The following TRPM4 variants were observed in gnomAD, a reference collection of about 807,000 sequenced individuals.
TRPM4 encodes the protein calcium-activated non-selective cation channel 1.
Under a neutral mutation model 135.6 loss-of-function variants are expected in TRPM4, and 124 were observed. That is an observed-to-expected ratio of 0.91 (90% CI 0.79 to 1.06). The LOEUF (loss-of-function observed/expected upper bound fraction) is 1.06, where lower values mean the gene tolerates loss of function less well. Among genes scored for constraint, TRPM4 ranks in the 50% least tolerant of loss-of-function variants. The probability of loss-of-function intolerance (pLI) is 0.00; values close to 1 mark genes in which losing one functional copy is unlikely to be tolerated. For synonymous variants in TRPM4, 745 were observed against 705.6 expected (o/e 1.06, Z -0.88); for missense variants, 1,658 against 1,671.4 (o/e 0.99, Z 0.14).
intron 2 of TRPM4, among the ~76,000 whole-genome samples, chr19:49,164,346 CCTT>C (rs1967085180): frequency 8.4e-6 from 1 of 118,890 alleles, no homozygotes; most frequent in Non-Finnish European, 1.7e-5. Flanking sequence ...CTCCCTCCCT[CCTT>C]CCTTTCTTTC....
At chr19:49,204,103 G>C (rs925033319) in intron 20 of TRPM4, among the ~76,000 whole-genome samples, 1 of 152,010 alleles carries the variant, frequency 6.6e-6, no homozygotes, top group Non-Finnish European at 1.5e-5. Context: ...CTGGGCAACA[G>C]AGCGAGACTC....
chr19:49,162,558 A>AAAC (rs1425065635), intron 2 of TRPM4, among the ~76,000 whole-genome samples: 1 of 151,840 alleles, frequency 6.6e-6, no homozygotes, highest in Non-Finnish European at 1.5e-5. Flanking sequence ...CAAAACAAAC[A>AAAC]AACAAACAAA....
chr19:49,157,925 G>A, intron 1 of TRPM4, 35 bp downstream of exon 1: 3 of 1,534,008 alleles, frequency 2.0e-6, no homozygotes, highest in Non-Finnish European at 2.6e-6. Context: ...GGAGCGCGGA[G>A]CTGGGGACCT....
chr19:49,192,920 T>A (rs2123012990), intron 16 of TRPM4, among the ~76,000 whole-genome samples: 1 of 152,148 alleles, frequency 6.6e-6, no homozygotes, highest in African/African-American at 2.4e-5. Context: ...GAAAGGTTGA[T>A]AGAAGGCCCC....
At chr19:49,194,660 T>TTTCC (rs764879837) in intron 16 of TRPM4, among the ~76,000 whole-genome samples, 1 of 50,172 alleles carries the variant, frequency 2.0e-5, no homozygotes, top group African/African-American at 8.8e-5. Context: ...TTTCTCTCTC[T>TTTCC]GTCCCTCCCT....
At position 49,200,640 on chromosome 19, in the gene TRPM4, C is replaced by A. The variant is rs748161443; in HGVS notation, c.2808C>A (p.Phe936Leu). The A allele has an allele frequency of 1.2e-6, 2 of 1,613,858 alleles. No homozygotes were observed. Among genetic ancestry groups the A allele is most frequent in the Non-Finnish European group, 1.7e-6 (2 of 1,180,032 alleles). ...MMKDVFFFLF[F>L]LGVWLVAYGV... ...AGGACGTGTTCTTCTTCCTCTTCTT[C>A]CTCGGCGTGTGGCTGGTAGCCTATG... Residue 936 changes from phenylalanine to leucine, a missense_variant, in exon 19 of 25, where the codon TTC becomes TTA. Around this residue, in one of 3 missense-constraint regions of TRPM4, gnomAD observed 1,412 missense variants for 1,408.7 expected, o/e 1.00. Coordinates refer to ENST00000252826, the MANE Select transcript of TRPM4 (RefSeq NM_017636.4).
chr19:49,160,956 C>T lies in TRPM4; in HGVS notation c.92+2697C>T, dbSNP rs147876828. On this transcript the variant is annotated intron_variant, in intron 2 of 24. Coordinates refer to ENST00000252826, the MANE Select transcript of TRPM4 (RefSeq NM_017636.4). Reference sequence around the variant, plus strand: ...GGGTGCCGCCATCGGTGGATGGCTCCGGGACGTATGCTCTGCTGACTGGGA... The same window carrying T: ...GGGTGCCGCCATCGGTGGATGGCTCTGGGACGTATGCTCTGCTGACTGGGA... Among the ~76,000 whole-genome samples, 306 of 151,950 alleles carry T rather than the reference C, an allele frequency of 2.0e-3. 1 individual carries two copies. Among genetic ancestry groups the T allele is most frequent in the African/African-American group, 6.9e-3 (286 of 41,402 alleles).
Position 49,187,054 on chromosome 19 carries a change from T to G in TRPM4, c.1744-1587T>G, listed in dbSNP as rs558870210. Reference sequence around the variant, plus strand: ...AAGTCTGAATTGCTCCCTCTAGTACTAGCGACCCACACCAGGAATGTGTGT... The same window carrying G: ...AAGTCTGAATTGCTCCCTCTAGTACGAGCGACCCACACCAGGAATGTGTGT... On this transcript the variant is annotated intron_variant, in intron 12 of 24. Coordinates refer to ENST00000252826, the MANE Select transcript of TRPM4 (RefSeq NM_017636.4). Among the ~76,000 whole-genome samples, 120 of 152,152 alleles carry G rather than the reference T, an allele frequency of 7.9e-4. 3 individuals carry two copies. The highest frequency in any genetic ancestry group is 5.2e-4 in the Admixed American group (8 of 15,270).
At chr19:49,197,688 CTTT>C (rs551709011) in intron 17 of TRPM4, among the ~76,000 whole-genome samples, 2 of 143,230 alleles carry the variant, frequency 1.4e-5, no homozygotes. Flanking sequence ...TCTTTCTTTT[CTTT>C]TTTTTTTTTG....
In TRPM4 at chr19:49,181,530, C is replaced by CT. The variant is rs35727661; in HGVS notation, c.1263+90dup. On this transcript the variant is annotated intron_variant, in intron 10 of 24. Transcript: ENST00000252826. Reference sequence around the variant, plus strand: ...CTGTGCTGTCCTCCCTCTCTGCCTTCTTTTTTTTTTTTTTTTTTTTTGACG... The same window carrying CT: ...CTGTGCTGTCCTCCCTCTCTGCCTTCTTTTTTTTTTTTTTTTTTTTTTGACG... 30,170 of 508,348 alleles carry CT rather than the reference C, an allele frequency of 0.059. 45 individuals are homozygous for CT. Among genetic ancestry groups the CT allele is most frequent in the South Asian group, 0.077 (3,344 of 43,302 alleles). 31.5% of individuals were successfully genotyped at this position (508,348 alleles called of 1,614,324 possible).
chr19:49,161,061 T>A (rs569171793), intron 2 of TRPM4, among the ~76,000 whole-genome samples: 10 of 151,924 alleles, frequency 6.6e-5, no homozygotes, highest in Admixed American at 2.6e-4. Flanking sequence ...AATGTGGGAA[T>A]CTGTGCATAT....
intron 2 of TRPM4, 81 bp from the exon 3 acceptor site, chr19:49,165,960 T>G: frequency 7.1e-7 from 1 of 1,417,592 alleles, no homozygotes; most frequent in South Asian, 1.3e-5. Flanking sequence ...GACAGCCCCC[T>G]CTACAGGAGC....
At position 49,202,018 on chromosome 19, in the gene TRPM4, C is replaced by T. The variant is rs750182517; in HGVS notation, c.3008C>T (p.Pro1003Leu). ...CSSEPGFWAH[P>L]PGAQAGTCVS... ...TCGGAGCCCGGCTTCTGGGCACACC[C>T]TCCTGGGGCCCAGGCGGGCACCTGC... Residue 1003 changes from proline (P) to leucine (L), a missense_variant, in exon 20 of 25, where the codon CCT becomes CTT. By Grantham distance (98) the Pro-to-Leu change is moderately conservative. This residue lies in a region of TRPM4 where 1,412 missense variants were observed against 1,408.7 expected (regional missense o/e 1.00). Coordinates refer to ENST00000252826, the MANE Select transcript of TRPM4 (RefSeq NM_017636.4). The T allele has an allele frequency of 9.3e-6, 15 of 1,613,740 alleles. No homozygotes were observed. The East Asian group carries it at 1.3e-4, about 14-fold the overall frequency.
chr19:49,199,627 T>A (rs2145965538), intron 17 of TRPM4, among the ~76,000 whole-genome samples: 1 of 152,158 alleles, frequency 6.6e-6, no homozygotes, highest in East Asian at 1.9e-4. Flanking sequence ...CCTTATACTC[T>A]GGATCCTAAT....
At chr19:49,200,833 G>C in intron 19 of TRPM4, 48 bp downstream of exon 19, 4 of 1,594,096 alleles carry the variant, frequency 2.5e-6, no homozygotes, top group Non-Finnish European at 2.6e-6. Flanking sequence ...CTCTGTCCCC[G>C]CTCCCTGGGT....
chr19:49,205,257 C>T (rs149606606), intron 20 of TRPM4, among the ~76,000 whole-genome samples: 13 of 152,162 alleles, frequency 8.5e-5, no homozygotes, highest in African/African-American at 2.2e-4. Context: ...TGAGGGATGT[C>T]GGGGAGAGTC....
chr19:49,197,306 CTTTTTCTTTCTTTCTTTCT>C (rs1334747776), intron 17 of TRPM4, among the ~76,000 whole-genome samples: 4 of 125,450 alleles, frequency 3.2e-5, no homozygotes, highest in Admixed American at 8.3e-5. Flanking sequence ...CTCTTTCTTT[CTTTTTCTTTCTTTCTTTCT>C]TTCTTTCTTT....
chr19:49,211,191 T>A lies in TRPM4; in HGVS notation c.3562T>A (p.Trp1188Arg). The change falls in exon 24 of 25, where the codon TGG (tryptophan) becomes AGG (arginine). Residue 1188 changes from tryptophan (W) to arginine (R), a missense_variant. Coordinates refer to ENST00000252826, the MANE Select transcript of TRPM4 (RefSeq NM_017636.4). The surrounding 1 kb of genome is among the most constrained non-coding windows in gnomAD (Gnocchi z 4.8). ...CCAGCAGTGTAGCCGCGTCCTGGGG[T>A]GGGTGGCCGAGGCCCTGAGCCGCTC... ...EVQQCSRVLGWVAEALSRSAL... is the reference protein window; with the variant it reads ...EVQQCSRVLGRVAEALSRSAL... 6.2e-7 allele frequency: 1 copy of A among 1,603,370 alleles called. No homozygotes were observed. The highest frequency in any genetic ancestry group is 8.5e-7 in the Non-Finnish European group (1 of 1,175,734).
At chr19:49,163,222 G>A (rs1967036370) in intron 2 of TRPM4, among the ~76,000 whole-genome samples, 3 of 148,610 alleles carry the variant, frequency 2.0e-5, no homozygotes, top group South Asian at 2.1e-4. Context: ...TTGAGGCAGA[G>A]TCTCATTCTG....
Sources: allele counts gnomAD v4.1 joint callset (sites outside exome capture counted in the v4.1 genomes callset), GRCh38; gene constraint gnomAD v4.1.1; regional missense constraint gnomAD v4.1.1; non-coding constraint Gnocchi (gnomAD v3.1); transcripts MANE v1.5; gene names NCBI Gene and HGNC (gene_info 2026-07-23, HGNC 2026-07-21).